The following MAGI1 variants were observed in gnomAD, a reference collection of about 807,000 sequenced individuals.
The protein encoded by MAGI1 is membrane-associated guanylate kinase, WW and PDZ domain-containing protein 1.
MAGI1 carries 58 observed loss-of-function variants against 139.9 expected under a neutral mutation model. The observed-to-expected ratio is 0.41, with a 90% CI of 0.34 to 0.52. The LOEUF (loss-of-function observed/expected upper bound fraction) is 0.52. Ranked by LOEUF, MAGI1 falls within the 20% of genes least tolerant of loss-of-function variation. The pLI, the probability that MAGI1 is intolerant of heterozygous loss-of-function variation, is 0.12. For synonymous variants in MAGI1, 812 were observed against 737.9 expected (o/e 1.10, Z -1.63); for missense variants, 1,874 against 1,901.6 (o/e 0.99, Z 0.27).
At chr3:65,712,016 T>C (rs764726742) in intron 1 of MAGI1, among the ~76,000 whole-genome samples, 1 of 152,152 alleles carries the variant, frequency 6.6e-6, no homozygotes, top group Non-Finnish European at 1.5e-5. Context: ...GGCTATAAAC[T>C]TCATGAGGAC....
intron 1 of MAGI1, among the ~76,000 whole-genome samples, chr3:65,973,684 A>G (rs2065116203): frequency 6.6e-6 from 1 of 152,242 alleles, no homozygotes; most frequent in Admixed American, 6.5e-5. Flanking sequence ...TCTTAGTTTC[A>G]TTATCCATAA....
At chr3:65,974,399 G>GGGGATGGA (rs1560071612) in intron 1 of MAGI1, among the ~76,000 whole-genome samples, 1 of 5,196 alleles carries the variant, frequency 1.9e-4, no homozygotes, top group Non-Finnish European at 1.0e-3. Flanking sequence ...GGGTGGATGG[G>GGGGATGGA]TGGATGGGTG....
intron 2 of MAGI1, among the ~76,000 whole-genome samples, chr3:65,613,007 A>G (rs1469920018): frequency 6.6e-6 from 1 of 152,188 alleles, no homozygotes; most frequent in Non-Finnish European, 1.5e-5. Flanking sequence ...ATACTAATCC[A>G]TATGTTATTA....
chr3:65,707,113 A>C (rs974772944), intron 1 of MAGI1, among the ~76,000 whole-genome samples: 1 of 152,184 alleles, frequency 6.6e-6, no homozygotes, highest in African/African-American at 2.4e-5. Flanking sequence ...GTTACTGTAG[A>C]TGTTGTATAA....
chr3:65,713,439 TAAAAAAAGA>T (rs1285384715), intron 1 of MAGI1, among the ~76,000 whole-genome samples: 2 of 151,860 alleles, frequency 1.3e-5, no homozygotes, highest in African/African-American at 2.4e-5. Context: ...AGAGATTTTT[TAAAAAAAGA>T]AAAAAAAGAA....
chr3:65,427,303 C>T (rs567209591), intron 12 of MAGI1, among the ~76,000 whole-genome samples: 1 of 152,022 alleles, frequency 6.6e-6, no homozygotes. Flanking sequence ...CAAAGTGAGA[C>T]CCTGTCTCAA....
chr3:65,365,957 A>G (rs569087033), intron 18 of MAGI1, among the ~76,000 whole-genome samples: 1 of 152,306 alleles, frequency 6.6e-6, no homozygotes, highest in East Asian at 1.9e-4. Context: ...TCTATCTTCC[A>G]TTTACATTTC....
intron 2 of MAGI1, among the ~76,000 whole-genome samples, chr3:65,530,341 A>G (rs2078586129): frequency 6.6e-6 from 1 of 152,070 alleles, no homozygotes; most frequent in South Asian, 2.1e-4. Flanking sequence ...CTCCAGAACC[A>G]TATAGCACAG....
At chr3:65,610,304 T>A (rs1215524749) in intron 2 of MAGI1, among the ~76,000 whole-genome samples, 3 of 152,066 alleles carry the variant, frequency 2.0e-5, no homozygotes, top group African/African-American at 7.2e-5. Context: ...ATGAAACCTG[T>A]ATTAGCCACA....
intron 1 of MAGI1, among the ~76,000 whole-genome samples, chr3:66,004,451 G>A (rs2066910184): frequency 6.6e-6 from 1 of 152,168 alleles, no homozygotes. Context: ...ATAGCATGGT[G>A]GCTGGGATCC....
At chr3:65,397,766 C>T (rs1404009742) in intron 13 of MAGI1, among the ~76,000 whole-genome samples, 1 of 152,054 alleles carries the variant, frequency 6.6e-6, no homozygotes, top group Non-Finnish European at 1.5e-5. Flanking sequence ...ACATTATGTG[C>T]GTACTTGCTT....
At chr3:65,664,083 A>G (rs2086363570) in intron 1 of MAGI1, among the ~76,000 whole-genome samples, 1 of 152,206 alleles carries the variant, frequency 6.6e-6, no homozygotes, top group Admixed American at 6.5e-5. Flanking sequence ...ATGGTAGGCT[A>G]CATTCATACT....
intron 2 of MAGI1, among the ~76,000 whole-genome samples, chr3:65,566,434 C>A (rs1388026392): frequency 6.6e-6 from 1 of 151,024 alleles, no homozygotes; most frequent in African/African-American, 2.4e-5. Flanking sequence ...GTTTTGCTCA[C>A]CTTTTTTTTT....
chr3:65,512,836 A>G (rs1020314626), intron 2 of MAGI1, among the ~76,000 whole-genome samples: 2 of 151,680 alleles, frequency 1.3e-5, no homozygotes, highest in African/African-American at 2.4e-5. Flanking sequence ...TACCAAAGCC[A>G]GGCAGAGACA....
intron 12 of MAGI1, among the ~76,000 whole-genome samples, chr3:65,416,176 C>G (rs965599328): frequency 3.3e-5 from 5 of 152,124 alleles, no homozygotes; most frequent in African/African-American, 9.7e-5. Flanking sequence ...ATAGCTTTTA[C>G]ACAGGTTCAT....
chr3:65,586,537 G>C (rs2081690921), intron 2 of MAGI1, among the ~76,000 whole-genome samples: 1 of 152,076 alleles, frequency 6.6e-6, no homozygotes, highest in African/African-American at 2.4e-5. Flanking sequence ...AACTTTTGTT[G>C]CAAGTTAATT....
At chr3:65,427,861 G>A (rs544482802) in intron 12 of MAGI1, among the ~76,000 whole-genome samples, 4 of 152,114 alleles carry the variant, frequency 2.6e-5, no homozygotes, top group East Asian at 3.9e-4. Flanking sequence ...TGTCATAATC[G>A]TTCTTATACC....
intron 12 of MAGI1, among the ~76,000 whole-genome samples, chr3:65,416,133 T>C (rs1946199946): frequency 6.6e-6 from 1 of 152,236 alleles, no homozygotes. Flanking sequence ...AACAAATTCA[T>C]GTTTATGTAA....
intron 2 of MAGI1, chr3:65,609,725 C>A (rs1242389930): frequency 3.7e-6 from 1 of 268,970 alleles, no homozygotes; most frequent in Admixed American, 3.8e-5. Context: ...GCTAGAACTG[C>A]AGGTGTGCAC....
Sources: gnomAD v4.1 joint callset for allele counts (sites outside exome capture counted in the v4.1 genomes callset) on GRCh38, gnomAD v4.1.1 for gene constraint, MANE v1.5 for transcripts, NCBI Gene and HGNC (gene_info 2026-07-23, HGNC 2026-07-21) for gene names.